Variants in PDE3A observed in about 807,000 individuals in gnomAD.
The protein encoded by PDE3A is cGMP-inhibited 3',5'-cyclic phosphodiesterase 3A.
Under a neutral mutation model 98.3 loss-of-function variants are expected in PDE3A, and 43 were observed. The observed-to-expected ratio is 0.44, with a 90% CI of 0.34 to 0.56. The LOEUF (loss-of-function observed/expected upper bound fraction) is 0.56. Among genes scored for constraint, PDE3A ranks in the 20% least tolerant of loss-of-function variants. The pLI is 0.01. For synonymous variants in PDE3A, 663 were observed against 567.9 expected (o/e 1.17, Z -2.38); for missense variants, 1,427 against 1,440.7 (o/e 0.99, Z 0.15).
chr12:20,481,082 C>A (rs1206260459), intron 1 of PDE3A, among the ~76,000 whole-genome samples: 1 of 152,072 alleles, frequency 6.6e-6, no homozygotes, highest in African/African-American at 2.4e-5. Context: ...GAAATATAAG[C>A]CAAAAATAAT....
At chr12:20,438,456 T>G (rs1408274176) in intron 1 of PDE3A, among the ~76,000 whole-genome samples, 2 of 152,214 alleles carry the variant, frequency 1.3e-5, no homozygotes, top group Non-Finnish European at 2.9e-5. Flanking sequence ...GACATTGCAC[T>G]TAGTGATTTA....
rs772104994 is a variant in PDE3A, at chr12:20,565,737, AT to A, written c.1011+9036del. Among the ~76,000 whole-genome samples, 6 of 151,384 alleles carry A rather than the reference AT, an allele frequency of 4.0e-5. No homozygotes were observed. In the South Asian group the frequency reaches 6.3e-4, roughly 16 times the overall value. On this transcript the variant is annotated intron_variant, in intron 2 of 15. Transcript: ENST00000359062. ...AGGCTTTTAGTACATTCTTGGTACA[AT>A]TTTTTTTTATTTGGGGAAATTGAAT... is the stretch of plus-strand genomic sequence containing the variant.
At chr12:20,618,061 A>G (rs11045331) in intron 4 of PDE3A, among the ~76,000 whole-genome samples, 55,539 of 151,996 alleles carry the variant, frequency 0.37, 10,482 homozygotes, top group African/African-American at 0.46. Flanking sequence ...ATACTCGTAG[A>G]TGTCTTGTCT....
chr12:20,450,892 A>T (rs1264806945), intron 1 of PDE3A, among the ~76,000 whole-genome samples: 6 of 152,338 alleles, frequency 3.9e-5, no homozygotes, highest in African/African-American at 1.4e-4. Context: ...GTTTACTTGG[A>T]TACACGAGAA....
chr12:20,475,169 ATGTGTGTGAGTGTGTGTG>A (rs767316485), intron 1 of PDE3A, among the ~76,000 whole-genome samples: 1,141 of 96,502 alleles, frequency 0.012, 9 homozygotes, highest in Middle Eastern at 0.021. Context: ...AGAGGAAAAA[ATGTGTGTGAGTGTGTGTG>A]TGTGTGTGTG....
chr12:20,479,521 G>T (rs1945587230), intron 1 of PDE3A, among the ~76,000 whole-genome samples: 1 of 152,176 alleles, frequency 6.6e-6, no homozygotes, highest in East Asian at 1.9e-4. Flanking sequence ...CAGAACTGAA[G>T]AACTGTCCCT....
chr12:20,465,424 T>A (rs542733046), intron 1 of PDE3A, among the ~76,000 whole-genome samples: 2 of 152,276 alleles, frequency 1.3e-5, no homozygotes, highest in Admixed American at 1.3e-4. Flanking sequence ...TATTTGTTTA[T>A]TTTTTTGAGA....
chr12:20,585,794 T>A (rs1943180304), intron 2 of PDE3A, among the ~76,000 whole-genome samples: 1 of 152,210 alleles, frequency 6.6e-6, no homozygotes, highest in Non-Finnish European at 1.5e-5. Context: ...TAATGATATT[T>A]CAGTTTTGAC....
intron 1 of PDE3A, among the ~76,000 whole-genome samples, chr12:20,545,780 AAAAAAAAAAAC>A (rs1942036848): frequency 1.3e-5 from 1 of 75,406 alleles, no homozygotes; most frequent in Non-Finnish European, 3.1e-5. Flanking sequence ...TGGCTGCCAA[AAAAAAAAAAAC>A]AAAACAAAAC....
intron 1 of PDE3A, among the ~76,000 whole-genome samples, chr12:20,390,534 G>A (rs1013572350): frequency 2.0e-5 from 3 of 151,162 alleles, no homozygotes; most frequent in Admixed American, 1.3e-4. Context: ...GGGCATGAAC[G>A]CCACTTAAAA....
chr12:20,559,441 C>T lies in PDE3A; in HGVS notation c.1011+2731C>T, dbSNP rs1227961688. 2.0e-5 allele frequency among the ~76,000 whole-genome samples: 3 copies of T among 151,424 alleles called. No individual in the cohort carries two copies. In the East Asian group the frequency reaches 5.8e-4, roughly 29 times the overall value. On this transcript the variant is annotated intron_variant, in intron 2 of 15. Coordinates refer to ENST00000359062, the MANE Select transcript of PDE3A (RefSeq NM_000921.5). ...TCACCAGAGGTCAGGAGTTTGAGACCAGCCTGTCCAACATGGTGAAACCCC... is the reference window on the plus strand; with the variant it reads ...TCACCAGAGGTCAGGAGTTTGAGACTAGCCTGTCCAACATGGTGAAACCCC...
At chr12:20,637,764 G>C (rs1228817016) in intron 9 of PDE3A, among the ~76,000 whole-genome samples, 2 of 152,038 alleles carry the variant, frequency 1.3e-5, no homozygotes, top group African/African-American at 4.8e-5. Flanking sequence ...TTTGAGTATT[G>C]TTTTCTTTAG....
intron 1 of PDE3A, among the ~76,000 whole-genome samples, chr12:20,550,228 G>A (rs553222905): frequency 1.3e-5 from 2 of 152,142 alleles, no homozygotes; most frequent in African/African-American, 4.8e-5. Context: ...TTTTGATCCT[G>A]TTAGTTTAAA....
chr12:20,393,387 A>G (rs1484705936), intron 1 of PDE3A, among the ~76,000 whole-genome samples: 1 of 151,888 alleles, frequency 6.6e-6, no homozygotes, highest in East Asian at 1.9e-4. Flanking sequence ...CAAGAACAGA[A>G]TGGGGGAAAC....
chr12:20,497,390 A>C (rs1489933502), intron 1 of PDE3A, among the ~76,000 whole-genome samples: 1 of 151,732 alleles, frequency 6.6e-6, no homozygotes, highest in Admixed American at 6.6e-5. Flanking sequence ...AGTTCTTCAT[A>C]ATCTCTTAAC....
chr12:20,538,296 G>A (rs1475512394), intron 1 of PDE3A, among the ~76,000 whole-genome samples: 1 of 152,052 alleles, frequency 6.6e-6, no homozygotes, highest in Non-Finnish European at 1.5e-5. Context: ...CCTCATGGTC[G>A]CTTTGTGTCA....
intron 1 of PDE3A, among the ~76,000 whole-genome samples, chr12:20,520,892 A>C (rs560533490): frequency 6.6e-6 from 1 of 152,166 alleles, no homozygotes; most frequent in East Asian, 1.9e-4. Flanking sequence ...CTCATGCTGC[A>C]AAGGGGGCTG....
At position 20,368,557 on chromosome 12, in the gene PDE3A, C is replaced by T. The variant is rs941648148; in HGVS notation, c.-728C>T. On this transcript the variant is annotated 5_prime_UTR_variant, in exon 1 of 16. Transcript: ENST00000359062. The stretch of plus-strand genomic sequence containing the variant: ...CTGCCGCTAGTCTCTCGGTCTGGCT[C>T]TCTCTCCGACGGGACTTAGCAACTT... Among the ~76,000 whole-genome samples, 57 of 151,910 alleles carry T rather than the reference C, an allele frequency of 3.8e-4. 2 individuals are homozygous for T. Among genetic ancestry groups the T allele is most frequent in the Non-Finnish European group, 7.4e-5 (5 of 67,954 alleles).
At chr12:20,499,209 A>G (rs1290161143) in intron 1 of PDE3A, among the ~76,000 whole-genome samples, 1 of 152,206 alleles carries the variant, frequency 6.6e-6, no homozygotes, top group Non-Finnish European at 1.5e-5. Flanking sequence ...TGTTGGGAAG[A>G]TTATAAGAGG....
Sources: gnomAD v4.1 joint callset for allele counts (sites outside exome capture counted in the v4.1 genomes callset) on GRCh38, gnomAD v4.1.1 for gene constraint, MANE v1.5 for transcripts, NCBI Gene and HGNC (gene_info 2026-07-23, HGNC 2026-07-21) for gene names.